The following TAS2R1 variants were observed in gnomAD, a reference collection of about 807,000 sequenced individuals.
The protein encoded by TAS2R1 is taste receptor type 2 member 1.
For synonymous variants in TAS2R1, 141 were observed against 134.2 expected, an observed-to-expected ratio of 1.05 and a Z score of -0.35; for missense variants, 370 against 353.4, an observed-to-expected ratio of 1.05 and a Z score of -0.38.
intron 1 of TAS2R1, among the ~76,000 whole-genome samples, chr5:9,670,631 A>G (rs1740731000): frequency 1.3e-5 from 2 of 152,160 alleles, no homozygotes; most frequent in Admixed American, 6.6e-5. Context: ...AACAGTTCCA[A>G]AACTGAAGCA....
At chr5:9,754,825 A>G in the TAS2R1 span, among the ~76,000 whole-genome samples, 1 of 152,208 alleles carries the variant, frequency 6.6e-6, no homozygotes, top group Admixed American at 6.5e-5. Context: ...TGCCCAAGGT[A>G]ATTTATAGAT....
Position 9,629,532 on chromosome 5 carries a change from T to C in TAS2R1, c.501A>G (p.Gln167=). ...RKFFSQNATI[Q]KEDTLAIQIF... ...TCTGTATAGCCAGTGTATCTTCTTT[T>C]TGAATTGTGGCATTTTGGGAGAAAA... Residue 167 remains glutamine, a synonymous_variant, in exon 1 of 1, where the codon CAA becomes CAG. Coordinates refer to ENST00000382492, the MANE Select transcript of TAS2R1 (RefSeq NM_019599.3). 6.2e-7 allele frequency: 1 copy of C among 1,614,064 alleles called. No individual in the cohort carries two copies. Among genetic ancestry groups the C allele is most frequent in the East Asian group, 2.2e-5 (1 of 44,872 alleles).
chr5:9,780,738 G>A, the TAS2R1 span, among the ~76,000 whole-genome samples: 1 of 152,158 alleles, frequency 6.6e-6, no homozygotes, highest in Non-Finnish European at 1.5e-5. Context: ...TTAGGTTATA[G>A]TACAGTTATT....
chr5:9,637,487 A>G (rs1164698242), intron 2 of TAS2R1, among the ~76,000 whole-genome samples: 6 of 152,202 alleles, frequency 3.9e-5, no homozygotes, highest in Non-Finnish European at 7.3e-5. Flanking sequence ...TAGGAATGCC[A>G]GGGAAGCTTT....
chr5:9,809,493 G>A, the TAS2R1 span, among the ~76,000 whole-genome samples: 391 of 152,092 alleles, frequency 2.6e-3, 7 homozygotes, highest in East Asian at 0.06. Flanking sequence ...CCAGGCCTAC[G>A]AGACACAGCA....
the TAS2R1 span, among the ~76,000 whole-genome samples, chr5:9,880,084 G>T: frequency 2.0e-5 from 3 of 152,098 alleles, no homozygotes; most frequent in African/African-American, 7.2e-5. Flanking sequence ...AAACCCCATT[G>T]AAGGAATTTT....
the TAS2R1 span, among the ~76,000 whole-genome samples, chr5:9,857,658 G>T: frequency 1.5e-4 from 23 of 152,186 alleles, no homozygotes; most frequent in African/African-American, 5.3e-4. Flanking sequence ...CATGTCTTTT[G>T]GGTCAGCTAC....
At chr5:9,769,805 T>C in the TAS2R1 span, among the ~76,000 whole-genome samples, 4 of 152,218 alleles carry the variant, frequency 2.6e-5, no homozygotes, top group Admixed American at 2.6e-4. Flanking sequence ...TTGTATATTC[T>C]GGTTACTAAT....
At chr5:9,895,562 A>C in the TAS2R1 span, among the ~76,000 whole-genome samples, 2 of 152,246 alleles carry the variant, frequency 1.3e-5, no homozygotes, top group African/African-American at 4.8e-5. Flanking sequence ...AATGGTCAAC[A>C]GAGAGGTCTT....
At chr5:9,820,032 C>T in the TAS2R1 span, among the ~76,000 whole-genome samples, 36 of 152,032 alleles carry the variant, frequency 2.4e-4, no homozygotes, top group Admixed American at 7.9e-4. Flanking sequence ...CATGCCTCAA[C>T]CTCATGATAT....
chr5:9,762,832 G>C, the TAS2R1 span, among the ~76,000 whole-genome samples: 1 of 152,114 alleles, frequency 6.6e-6, no homozygotes, highest in African/African-American at 2.4e-5. Context: ...AACTTACTTA[G>C]GAAATTATTC....
At chr5:9,632,620 T>G (rs146538003), upstream of TAS2R1, among the ~76,000 whole-genome samples, 60 of 152,326 alleles carry the variant, frequency 3.9e-4, no homozygotes, top group African/African-American at 1.3e-3. Flanking sequence ...TGTTGTCATT[T>G]CAACAATGTT....
chr5:9,888,749 C>T, the TAS2R1 span, among the ~76,000 whole-genome samples: 1 of 152,094 alleles, frequency 6.6e-6, no homozygotes, highest in Non-Finnish European at 1.5e-5. Context: ...ATCCATGGTG[C>T]TAACAGTGGA....
chr5:9,695,594 T>C (rs1579787815), intron 1 of TAS2R1, among the ~76,000 whole-genome samples: 1 of 151,992 alleles, frequency 6.6e-6, no homozygotes, highest in South Asian at 2.1e-4. Flanking sequence ...GCACTGGGGG[T>C]GGGAGTATGG....
At chr5:9,706,875 G>T (rs1192566359) in intron 1 of TAS2R1, among the ~76,000 whole-genome samples, 2 of 152,146 alleles carry the variant, frequency 1.3e-5, no homozygotes, top group Admixed American at 1.3e-4. Context: ...ACAGGGCAGG[G>T]CTGGAGAAAG....
chr5:9,775,204 T>G, the TAS2R1 span, among the ~76,000 whole-genome samples: 54,319 of 152,058 alleles, frequency 0.36, 10,287 homozygotes, highest in Admixed American at 0.44. Flanking sequence ...TCTCCCTGTG[T>G]CCACCGCCAT....
At chr5:9,823,807 G>C in the TAS2R1 span, among the ~76,000 whole-genome samples, 2 of 152,160 alleles carry the variant, frequency 1.3e-5, no homozygotes. Context: ...GAAAATGCAT[G>C]CTCACTACTA....
chr5:9,826,667 G>T, the TAS2R1 span, among the ~76,000 whole-genome samples: 1 of 152,292 alleles, frequency 6.6e-6, no homozygotes, highest in South Asian at 2.1e-4. Flanking sequence ...CATAAAAAAA[G>T]AGGTTTGCTT....
At chr5:9,715,687 C>T (rs1474125240), upstream of TAS2R1, among the ~76,000 whole-genome samples, 3 of 152,124 alleles carry the variant, frequency 2.0e-5, no homozygotes, top group Non-Finnish European at 2.9e-5. Flanking sequence ...GAAGGAGACC[C>T]CAAGCCAGGG....
Sources: allele counts gnomAD v4.1 joint callset (sites outside exome capture counted in the v4.1 genomes callset), GRCh38; gene constraint gnomAD v4.1.1; transcripts MANE v1.5; gene names NCBI Gene and HGNC (gene_info 2026-07-23, HGNC 2026-07-21).